The following CA5A variants were observed in gnomAD, a reference collection of about 807,000 sequenced individuals.
The protein encoded by CA5A is carbonic anhydrase 5A.
Under a neutral mutation model 37.1 loss-of-function variants are expected in CA5A, and 28 were observed. The ratio of observed to expected loss-of-function variants is 0.75; its 90% CI spans 0.56 to 1.03. The LOEUF (loss-of-function observed/expected upper bound fraction) is 1.03. CA5A is among the 50% of genes least tolerant of loss of function. CA5A has a pLI of 0.00. For synonymous variants in CA5A, 171 were observed against 158.4 expected, an observed-to-expected ratio of 1.08 and a Z score of -0.60; for missense variants, 444 against 399.9, an observed-to-expected ratio of 1.11 and a Z score of -0.94.
At chr16:87,921,925 T>G (rs961835164) in intron 2 of CA5A, among the ~76,000 whole-genome samples, 6 of 152,040 alleles carry the variant, frequency 3.9e-5, no homozygotes, top group African/African-American at 1.2e-4. Flanking sequence ...TGGAGTTAAG[T>G]GGCACAATCC....
intron 2 of CA5A, among the ~76,000 whole-genome samples, chr16:87,915,164 T>C (rs2056117607): frequency 6.6e-6 from 1 of 152,210 alleles, no homozygotes; most frequent in African/African-American, 2.4e-5. Context: ...TGATCGCATT[T>C]ATCACTGGGG....
chr16:87,914,165 G>C (rs1001995079), intron 2 of CA5A, among the ~76,000 whole-genome samples: 1 of 152,210 alleles, frequency 6.6e-6, no homozygotes, highest in Non-Finnish European at 1.5e-5. Flanking sequence ...TTTACAATAG[G>C]AACTTCTCGT....
At chr16:87,917,841 G>A (rs894736040) in intron 2 of CA5A, among the ~76,000 whole-genome samples, 3 of 146,834 alleles carry the variant, frequency 2.0e-5, no homozygotes, top group African/African-American at 7.7e-5. Flanking sequence ...GCACACACAC[G>A]TGCACACACA....
intron 1 of CA5A, among the ~76,000 whole-genome samples, chr16:87,933,022 A>G (rs771478421): frequency 1.3e-5 from 2 of 152,220 alleles, no homozygotes; most frequent in East Asian, 1.9e-4. Flanking sequence ...GGTGGCTGCG[A>G]AGGGAGGATG....
In CA5A at chr16:87,888,033, A is replaced by C; in HGVS notation, c.*96T>G. The C allele has an allele frequency of 6.7e-7, 1 of 1,486,064 alleles. No homozygotes were observed. The highest frequency in any genetic ancestry group is 9.0e-7 in the Non-Finnish European group (1 of 1,111,884). The allele number at this position is 1,486,064 out of a possible 1,614,324, so 92.1% of individuals were successfully genotyped here. On this transcript the variant is annotated 3_prime_UTR_variant, in exon 7 of 7. Transcript: ENST00000649794. ...AACAATAACCTCATGCTCTCTTTTT[A>C]ATTTCAGAAGTCATGTACAATCACA... is the stretch of plus-strand genomic sequence containing the variant.
At chr16:87,918,628 G>A (rs1302020678) in intron 2 of CA5A, among the ~76,000 whole-genome samples, 1 of 152,178 alleles carries the variant, frequency 6.6e-6, no homozygotes, top group African/African-American at 2.4e-5. Flanking sequence ...CCAGGCCTCG[G>A]GAGCCTGTCC....
intron 3 of CA5A, among the ~76,000 whole-genome samples, chr16:87,902,734 GTC>G (rs1351450845): frequency 1.4e-5 from 2 of 146,532 alleles, no homozygotes; most frequent in African/African-American, 5.2e-5. Context: ...CTGAAATCCT[GTC>G]TCTACTAAAA....
chr16:87,919,451 G>A (rs551450734), intron 2 of CA5A, among the ~76,000 whole-genome samples: 3 of 152,306 alleles, frequency 2.0e-5, no homozygotes, highest in South Asian at 2.1e-4. Context: ...GGAAAGAGGC[G>A]ACATCGCTCC....
At chr16:87,929,636 G>A (rs568085825) in intron 1 of CA5A, among the ~76,000 whole-genome samples, 1 of 152,012 alleles carries the variant, frequency 6.6e-6, no homozygotes, top group African/African-American at 2.4e-5. Flanking sequence ...ACTTTGGGAG[G>A]CCGAGGTGGG....
downstream of CA5A, chr16:87,883,978 G>A (rs1217355092): frequency 1.3e-5 from 2 of 151,776 alleles, no homozygotes; most frequent in African/African-American, 2.4e-5. Context: ...GAATGAAATG[G>A]CCTTTATCAC....
Position 87,904,857 on chromosome 16 carries a change from G to C in CA5A, c.388C>G (p.His130Asp), listed in dbSNP as rs767096557. ...TCGTTCACTGCTCCCCAGTGGAAGT[G>C]AAATTGCTTCAGTCTGTAGTGGTTT... is the stretch of plus-strand genomic sequence containing the variant. The part of the protein sequence containing the change: ...LENHYRLKQF[H>D]FHWGAVNEGG... The change falls in exon 3 of 7, where the codon CAC (histidine) becomes GAC (aspartate). Residue 130 changes from histidine (H) to aspartate (D), a missense_variant. Coordinates refer to ENST00000649794, the MANE Select transcript of CA5A (RefSeq NM_001739.2). 1 of 1,613,474 alleles carries C rather than the reference G, an allele frequency of 6.2e-7. No homozygotes were observed. The highest frequency in any genetic ancestry group is 8.5e-7 in the Non-Finnish European group (1 of 1,179,404).
chr16:87,901,820 C>A (rs1233994777), intron 5 of CA5A, 92 bp downstream of exon 5: 1 of 1,029,726 alleles, frequency 9.7e-7, no homozygotes, highest in African/African-American at 1.6e-5. Flanking sequence ...CTCCCAACCT[C>A]ACGTGATCCA....
intron 2 of CA5A, among the ~76,000 whole-genome samples, chr16:87,913,368 T>C (rs2056080418): frequency 6.7e-6 from 1 of 149,184 alleles, no homozygotes; most frequent in Non-Finnish European, 1.5e-5. Flanking sequence ...AATGGTGTGA[T>C]CATGCCTCAC....
At chr16:87,913,400 G>A (rs8046279) in intron 2 of CA5A, among the ~76,000 whole-genome samples, 26,617 of 149,746 alleles carry the variant, frequency 0.18, 2,471 homozygotes, top group South Asian at 0.23. Flanking sequence ...CCTCCTGGGC[G>A]CAAGCCATCC....
chr16:87,899,056 C>T (rs1276376855), intron 5 of CA5A, among the ~76,000 whole-genome samples: 1 of 151,974 alleles, frequency 6.6e-6, no homozygotes. Flanking sequence ...TTTAATATCT[C>T]CATTTCACAG....
intron 2 of CA5A, among the ~76,000 whole-genome samples, chr16:87,917,821 G>T (rs1220748953): frequency 7.0e-6 from 1 of 143,610 alleles, no homozygotes; most frequent in Non-Finnish European, 1.5e-5. Context: ...ACATGCACAC[G>T]AACACACATG....
At chr16:87,932,340 C>G (rs1444048009) in intron 1 of CA5A, among the ~76,000 whole-genome samples, 1 of 152,200 alleles carries the variant, frequency 6.6e-6, no homozygotes, top group African/African-American at 2.4e-5. Context: ...GCTTCCCTGG[C>G]TCACAGAGAC....
intron 2 of CA5A, among the ~76,000 whole-genome samples, chr16:87,924,779 G>A (rs761389233): frequency 6.6e-6 from 1 of 152,240 alleles, no homozygotes; most frequent in Non-Finnish European, 1.5e-5. Context: ...GAGCGTGGGG[G>A]CAGCGTCCCG....
At chr16:87,920,236 G>C (rs558519321) in intron 2 of CA5A, among the ~76,000 whole-genome samples, 11 of 152,230 alleles carry the variant, frequency 7.2e-5, no homozygotes, top group Non-Finnish European at 1.6e-4. Flanking sequence ...TAAAAGGATG[G>C]AAACTGATGA....
Sources: allele counts gnomAD v4.1 joint callset (sites outside exome capture counted in the v4.1 genomes callset), GRCh38; gene constraint gnomAD v4.1.1; transcripts MANE v1.5; gene names NCBI Gene and HGNC (gene_info 2026-07-23, HGNC 2026-07-21).